The following NRDC variants were observed in gnomAD, a reference collection of about 807,000 sequenced individuals.
The protein encoded by NRDC is nardilysin convertase.
A neutral mutation model predicts 147.1 loss-of-function variants in NRDC; 54 were observed. That is an observed-to-expected ratio of 0.37 (90% CI 0.29 to 0.46). The LOEUF (loss-of-function observed/expected upper bound fraction) is 0.46. NRDC is among the 20% of genes least tolerant of loss of function. The probability of loss-of-function intolerance (pLI) is 1.00; values close to 1 mark genes in which losing one functional copy is unlikely to be tolerated. For missense variants in NRDC, 1,082 were observed against 1,370.6 expected (o/e 0.79, Z 3.33); for synonymous variants, 440 against 482.1 (o/e 0.91, Z 1.14).
chr1:51,836,158 G>A lies in NRDC; in HGVS notation c.685C>T (p.Pro229Ser). The stretch of plus-strand genomic sequence containing the variant: ...TGCTCCAAAAAGTGTGCCAGCCCCG[G>A]CAGGTCATCTGGATCAGCGAAACTC... Reference protein sequence around the residue: ...VGSFADPDDLPGLAHFLEHMV... With the variant: ...VGSFADPDDLSGLAHFLEHMV... The change falls in exon 3 of 31, where the codon CCG (proline) becomes TCG (serine). Residue 229 changes from proline to serine, a missense_variant. Pro to Ser is a moderately conservative substitution (Grantham distance 74, BLOSUM62 -1). Around this residue, in one of 3 missense-constraint regions of NRDC, gnomAD observed 635 missense variants for 923.8 expected, o/e 0.69. Transcript: ENST00000352171. The A allele has an allele frequency of 6.2e-7, 1 of 1,614,132 alleles. No individual in the cohort carries two copies. The highest frequency in any genetic ancestry group is 8.5e-7 in the Non-Finnish European group (1 of 1,180,012).
In NRDC at chr1:51,825,194, T is replaced by C. The variant is rs1035672522; in HGVS notation, c.1036+93A>G. On this transcript the variant is annotated intron_variant, in intron 6 of 30. Coordinates refer to ENST00000352171, the MANE Select transcript of NRDC (RefSeq NM_001101662.2). ...TAAAAGGTAAAAGGTACCTAGGGAC[T>C]CTAGCTTTATAATTTTCAATTCTTT... The C allele has an allele frequency of 4.6e-6, 4 of 875,370 alleles. No individual in the cohort carries two copies. The African/African-American group carries it at 5.2e-5, about 11-fold the overall frequency. 54.2% of individuals were successfully genotyped at this position (875,370 alleles called of 1,614,324 possible).
At chr1:51,811,773 C>G (rs1006365793) in intron 15 of NRDC, among the ~76,000 whole-genome samples, 1 of 152,238 alleles carries the variant, frequency 6.6e-6, no homozygotes, top group East Asian at 1.9e-4. Context: ...TAGGACCTAA[C>G]AAGTACTGAG....
intron 4 of NRDC, among the ~76,000 whole-genome samples, chr1:51,828,852 G>A (rs1461637441): frequency 6.6e-6 from 1 of 151,696 alleles, no homozygotes; most frequent in Non-Finnish European, 1.5e-5. Flanking sequence ...CGAAGTAGCT[G>A]AGACTAGAGG....
intron 17 of NRDC, among the ~76,000 whole-genome samples, chr1:51,807,801 T>A (rs1679537373): frequency 6.7e-6 from 1 of 150,242 alleles, no homozygotes; most frequent in African/African-American, 2.4e-5. Context: ...TAATACTTTT[T>A]TTTTTTTTTT....
intron 28 of NRDC, 61 bp from the exon 29 acceptor site, chr1:51,790,710 A>C: frequency 8.1e-7 from 1 of 1,237,798 alleles, no homozygotes; most frequent in Non-Finnish European, 1.2e-6. Context: ...CACAGAACAC[A>C]CTGGGCCCTG....
At chr1:51,823,454 A>C (rs951643565) in intron 7 of NRDC, among the ~76,000 whole-genome samples, 1 of 152,224 alleles carries the variant, frequency 6.6e-6, no homozygotes, top group Non-Finnish European at 1.5e-5. Flanking sequence ...TTTCTGTAAG[A>C]GAAAAAAATT....
intron 10 of NRDC, among the ~76,000 whole-genome samples, chr1:51,817,083 A>G (rs1379261329): frequency 6.6e-6 from 1 of 152,208 alleles, no homozygotes; most frequent in African/African-American, 2.4e-5. Flanking sequence ...ACAGAAAAAA[A>G]TTGAGTTTTC....
At chr1:51,791,132 G>A (rs989185534) in intron 27 of NRDC, 142 bp from the exon 28 acceptor site, 5 of 632,544 alleles carry the variant, frequency 7.9e-6, no homozygotes, top group Non-Finnish European at 1.4e-5. Context: ...GTTTTCCCAG[G>A]CCTCAGTATT....
intron 4 of NRDC, among the ~76,000 whole-genome samples, chr1:51,830,087 C>T (rs532349296): frequency 6.6e-6 from 1 of 151,574 alleles, no homozygotes; most frequent in South Asian, 2.1e-4. Context: ...GCCTCAGCCT[C>T]CCAAGTAGCT....
intron 27 of NRDC, 27 bp downstream of exon 27, chr1:51,791,551 C>T (rs1344630874): frequency 1.9e-6 from 3 of 1,551,022 alleles, no homozygotes; most frequent in Admixed American, 1.7e-5. Flanking sequence ...TAATAGGTTA[C>T]ACTCATCTAT....
intron 20 of NRDC, among the ~76,000 whole-genome samples, chr1:51,802,354 TATAC>T (rs201485637): frequency 3.3e-5 from 5 of 152,156 alleles, no homozygotes; most frequent in South Asian, 2.1e-4. Flanking sequence ...TCTAGTTTTC[TATAC>T]ATACATACAT....
At chr1:51,837,597 C>T (rs1557920865) in intron 2 of NRDC, 8 of 1,550,916 alleles carry the variant, frequency 5.2e-6, no homozygotes, top group Non-Finnish European at 7.0e-6. Flanking sequence ...GCTTTGACCA[C>T]AGCAAAAACA....
intron 1 of NRDC, among the ~76,000 whole-genome samples, chr1:51,877,811 C>A (rs1170586567): frequency 1.3e-5 from 2 of 152,202 alleles, no homozygotes; most frequent in African/African-American, 4.8e-5. Flanking sequence ...AGTTACTTTA[C>A]TGAAGCCACA....
chr1:51,838,930 T>C (rs1681119542), intron 2 of NRDC, among the ~76,000 whole-genome samples: 1 of 152,146 alleles, frequency 6.6e-6, no homozygotes, highest in African/African-American at 2.4e-5. Context: ...GTTAAAACTA[T>C]TTAATACTTG....
rs117901296 is a variant in NRDC, at chr1:51,867,295, G to A, written c.341+10980C>T. Among the ~76,000 whole-genome samples, 31 of 152,302 alleles carry A rather than the reference G, an allele frequency of 2.0e-4. No homozygotes were observed. The East Asian group carries it at 5.8e-3, about 28-fold the overall frequency. On this transcript the variant is annotated intron_variant, in intron 1 of 30. Transcript: ENST00000352171. ...TAAAACAGGCACTATTCTAGGCACT[G>A]GCGATATAAGCAGTAAACAAAACTA... is the stretch of plus-strand genomic sequence containing the variant.
At chr1:51,847,710 A>T (rs1681721794) in intron 1 of NRDC, among the ~76,000 whole-genome samples, 1 of 152,110 alleles carries the variant, frequency 6.6e-6, no homozygotes, top group South Asian at 2.1e-4. Flanking sequence ...GCTGGCTCAC[A>T]AGCCCCTCGT....
chr1:51,866,319 T>A (rs1682803375), intron 1 of NRDC, among the ~76,000 whole-genome samples: 1 of 152,072 alleles, frequency 6.6e-6, no homozygotes, highest in Admixed American at 6.6e-5. Flanking sequence ...GGTGTCAATG[T>A]AAAAAAGCAC....
Position 51,812,294 on chromosome 1 carries a change from G to A in NRDC, c.1675-196C>T, listed in dbSNP as rs138456127. Among the ~76,000 whole-genome samples, 939 of 152,296 alleles carry A rather than the reference G, an allele frequency of 6.2e-3. 6 individuals are homozygous for A. Among genetic ancestry groups the A allele is most frequent in the African/African-American group, 0.022 (894 of 41,568 alleles). On this transcript the variant is annotated intron_variant, in intron 14 of 30. Coordinates refer to ENST00000352171, the MANE Select transcript of NRDC (RefSeq NM_001101662.2). Reference sequence around the variant, plus strand: ...ATAGTGGCTCACGCCTGTAATCCCAGCATTTGGGAGACAGAGGTGGTTAGA... The same window carrying A: ...ATAGTGGCTCACGCCTGTAATCCCAACATTTGGGAGACAGAGGTGGTTAGA...
At chr1:51,869,338 TAATTACTAAAAAATAA>T (rs1329290197) in intron 1 of NRDC, among the ~76,000 whole-genome samples, 1 of 152,204 alleles carries the variant, frequency 6.6e-6, no homozygotes, top group Non-Finnish European at 1.5e-5. Flanking sequence ...TATCTTCTTG[TAATTACTAAAAAATAA>T]ATAAAACAAA....
Sources: allele counts gnomAD v4.1 joint callset (sites outside exome capture counted in the v4.1 genomes callset), GRCh38; gene constraint gnomAD v4.1.1; regional missense constraint gnomAD v4.1.1; transcripts MANE v1.5; gene names NCBI Gene and HGNC (gene_info 2026-07-23, HGNC 2026-07-21).